The following MELK variants were observed in gnomAD, a reference collection of about 807,000 sequenced individuals.
The protein encoded by MELK is maternal embryonic leucine zipper kinase, also known as pEg3 kinase.
MELK carries 81 observed loss-of-function variants against 85.0 expected under a neutral mutation model. That is an observed-to-expected ratio of 0.95 (90% confidence interval 0.80 to 1.15). MELK has a LOEUF of 1.15. Ranked by LOEUF, MELK falls within the 50% of genes most tolerant of loss-of-function variation. The pLI is 0.00. For missense variants in MELK, 754 were observed against 777.5 expected (o/e 0.97, Z 0.36); for synonymous variants, 252 against 265.0 (o/e 0.95, Z 0.48).
At chr9:36,608,605 G>T (rs1443471934) in intron 8 of MELK, among the ~76,000 whole-genome samples, 1 of 151,574 alleles carries the variant, frequency 6.6e-6, no homozygotes, top group Non-Finnish European at 1.5e-5. Flanking sequence ...TTTGGAGATG[G>T]AGTTTTGCTC....
intron 13 of MELK, among the ~76,000 whole-genome samples, chr9:36,661,237 C>T (rs1002035763): frequency 6.6e-6 from 1 of 152,156 alleles, no homozygotes; most frequent in African/African-American, 2.4e-5. Context: ...ATTCAAACAC[C>T]TCAAACTCAC....
chr9:36,622,019 T>A (rs186141520), intron 8 of MELK, among the ~76,000 whole-genome samples: 61 of 152,324 alleles, frequency 4.0e-4, no homozygotes, highest in African/African-American at 1.3e-3. Context: ...TGCAGTGGAA[T>A]GAATATGGTA....
At chr9:36,616,387 C>CTT (rs60212848) in intron 8 of MELK, among the ~76,000 whole-genome samples, 28 of 114,632 alleles carry the variant, frequency 2.4e-4, no homozygotes, top group African/African-American at 3.0e-4. Flanking sequence ...ATGTCAAACT[C>CTT]TTTTTTTTTT....
Position 36,633,209 on chromosome 9 carries a change from A to G in MELK, c.834+9A>G. 1 of 1,583,732 alleles carries G rather than the reference A, an allele frequency of 6.3e-7. No individual in the cohort carries two copies. Among genetic ancestry groups the G allele is most frequent in the Middle Eastern group, 1.7e-4 (1 of 5,960 alleles). On this transcript the variant is annotated intron_variant, in intron 10 of 17. Transcript: ENST00000298048. The stretch of plus-strand genomic sequence containing the variant: ...GGCAAAGCAAGAATCCTGTAAGTAA[A>G]ATGAAATCCAGTAGAATTTTTTTTT...
chr9:36,644,877 C>G (rs374931063), intron 11 of MELK, among the ~76,000 whole-genome samples: 3 of 152,090 alleles, frequency 2.0e-5, no homozygotes, highest in East Asian at 3.8e-4. Context: ...CTTCCCTTTC[C>G]AGCTGGGATA....
At chr9:36,599,351 T>C in intron 6 of MELK, 43 bp from the exon 7 acceptor site, 1 of 1,243,406 alleles carries the variant, frequency 8.0e-7, no homozygotes, top group East Asian at 2.4e-5. Flanking sequence ...TTAATTCTCT[T>C]AAGCGTTGTA....
intron 11 of MELK, among the ~76,000 whole-genome samples, chr9:36,647,453 C>T (rs1336597811): frequency 6.6e-6 from 1 of 151,612 alleles, no homozygotes; most frequent in Non-Finnish European, 1.5e-5. Flanking sequence ...TCCCAGCCAC[C>T]TTCTCCATGA....
chr9:36,603,884 C>T (rs1334416556), intron 7 of MELK, among the ~76,000 whole-genome samples: 1 of 152,110 alleles, frequency 6.6e-6, no homozygotes, highest in Non-Finnish European at 1.5e-5. Context: ...GTTGGTAGCA[C>T]TATGGGGATG....
At position 36,671,100 on chromosome 9, in the gene MELK, G is replaced by C; in HGVS notation, c.1608G>C (p.Lys536Asn). Reference protein sequence around the residue: ...VFGSLERGLDKVITVLTRSKR... With the variant: ...VFGSLERGLDNVITVLTRSKR... ...GGAGCCTTGAAAGGGGGTTGGATAAGGTTATCACTGTGCTCACCAGGAGCA... is the reference window on the plus strand; with the variant it reads ...GGAGCCTTGAAAGGGGGTTGGATAACGTTATCACTGTGCTCACCAGGAGCA... Residue 536 changes from lysine to asparagine, a missense_variant, in exon 16 of 18, where the codon AAG (lysine) becomes AAC (asparagine). Transcript: ENST00000298048. The C allele has an allele frequency of 3.1e-6, 5 of 1,612,934 alleles. No individual in the cohort carries two copies. The highest frequency in any genetic ancestry group is 4.2e-6 in the Non-Finnish European group (5 of 1,179,484).
At chr9:36,598,911 C>T (rs909694895) in intron 6 of MELK, among the ~76,000 whole-genome samples, 1 of 152,196 alleles carries the variant, frequency 6.6e-6, no homozygotes, top group African/African-American at 2.4e-5. Context: ...CACGTGCATG[C>T]ACACATGTAT....
At chr9:36,676,136 G>T (rs1833327071) in intron 17 of MELK, among the ~76,000 whole-genome samples, 1 of 151,792 alleles carries the variant, frequency 6.6e-6, no homozygotes, top group Non-Finnish European at 1.5e-5. Context: ...TTAACTTCAG[G>T]GTGCTCCTTT....
At chr9:36,607,155 T>TA (rs1157859083) in intron 7 of MELK, among the ~76,000 whole-genome samples, 1 of 152,252 alleles carries the variant, frequency 6.6e-6, no homozygotes, top group Non-Finnish European at 1.5e-5. Flanking sequence ...TAGTACAACT[T>TA]AGTCATACTT....
Position 36,642,620 on chromosome 9 carries a change from G to A in MELK, c.835-377G>A, listed in dbSNP as rs1003378687. ...ATTTTTGTATTTTTAGTAGAGATGG[G>A]GTTTCACCATGCTGGCCAGGCCAGT... On this transcript the variant is annotated intron_variant, in intron 10 of 17. Transcript: ENST00000298048. Among the ~76,000 whole-genome samples the A allele has an allele frequency of 7.9e-5, 12 of 151,802 alleles. No homozygotes were observed. In the South Asian group the frequency reaches 1.9e-3, roughly 24 times the overall value.
chr9:36,615,174 C>T (rs1423144755), intron 8 of MELK, among the ~76,000 whole-genome samples: 15 of 141,504 alleles, frequency 1.1e-4, no homozygotes, highest in Middle Eastern at 3.8e-3. Context: ...ACCTCCCGGA[C>T]GGGGCGGCTG....
At chr9:36,670,878 G>A in intron 15 of MELK, 120 bp from the exon 16 acceptor site, 1 of 1,029,110 alleles carries the variant, frequency 9.7e-7, no homozygotes, top group East Asian at 2.8e-5. Flanking sequence ...GAGGTGATCT[G>A]GCCCTGGCAT....
At chr9:36,638,526 C>T (rs760690979) in intron 10 of MELK, among the ~76,000 whole-genome samples, 1 of 152,078 alleles carries the variant, frequency 6.6e-6, no homozygotes, top group African/African-American at 2.4e-5. Context: ...CTCAGGTGAT[C>T]GGCCGACCTC....
At chr9:36,656,550 A>T (rs1480953140) in intron 12 of MELK, among the ~76,000 whole-genome samples, 1 of 152,194 alleles carries the variant, frequency 6.6e-6, no homozygotes, top group Non-Finnish European at 1.5e-5. Flanking sequence ...GTGCTGCATA[A>T]AGACAACGTT....
chr9:36,582,462 ATGG>A (rs549446015), intron 2 of MELK, among the ~76,000 whole-genome samples: 2 of 152,118 alleles, frequency 1.3e-5, no homozygotes, highest in South Asian at 2.1e-4. Flanking sequence ...GCTAGAGATG[ATGG>A]TGGTGTGGAT....
intron 5 of MELK, 77 bp downstream of exon 5, chr9:36,594,848 A>G: frequency 1.4e-6 from 2 of 1,459,344 alleles, no homozygotes; most frequent in Non-Finnish European, 1.8e-6. Context: ...AAATGATCTG[A>G]TTAGGAATCT....
Sources: allele counts gnomAD v4.1 joint callset (sites outside exome capture counted in the v4.1 genomes callset), GRCh38; gene constraint gnomAD v4.1.1; transcripts MANE v1.5; gene names NCBI Gene and HGNC (gene_info 2026-07-23, HGNC 2026-07-21).